The following SLC2A7 variants were observed in gnomAD, a reference collection of about 807,000 sequenced individuals.
SLC2A7 encodes solute carrier family 2, facilitated glucose transporter member 7.
In SLC2A7, 50 loss-of-function variants were observed where a neutral mutation model predicts 50.5. The observed-to-expected ratio is 0.99, with a 90% CI of 0.79 to 1.25. The LOEUF is 1.25. Ranked by LOEUF, SLC2A7 falls within the 50% of genes most tolerant of loss-of-function variation. SLC2A7 has a pLI of 0.00. For synonymous variants in SLC2A7, 308 were observed against 300.4 expected (o/e 1.03, Z -0.26); for missense variants, 683 against 679.1 (o/e 1.01, Z -0.06).
chr1:9,024,854 AG>A (rs1317709319), intron 2 of SLC2A7, 121 bp downstream of exon 2: 3 of 1,093,418 alleles, frequency 2.7e-6, no homozygotes, highest in Non-Finnish European at 4.0e-6. Flanking sequence ...CTGCTCCCAA[AG>A]GCAAGATGGT....
chr1:9,014,962 C>T, intron 6 of SLC2A7, 94 bp from the exon 7 acceptor site: 1 of 1,505,360 alleles, frequency 6.6e-7, no homozygotes, highest in South Asian at 1.3e-5. Flanking sequence ...ATTCCCTGAC[C>T]TGACCTTGGT....
chr1:9,010,297 C>A, intron 8 of SLC2A7, 53 bp from the exon 9 acceptor site: 2 of 1,461,236 alleles, frequency 1.4e-6, no homozygotes, highest in Non-Finnish European at 1.9e-6. Flanking sequence ...GCCCACGGTT[C>A]TTGGGCCGAG....
In SLC2A7 at chr1:9,015,092, G is replaced by A. The variant is rs556506517; in HGVS notation, c.715+25C>T. 46 of 1,611,770 alleles carry A rather than the reference G, an allele frequency of 2.9e-5. 1 individual carries two copies. The South Asian group carries it at 4.5e-4, about 16-fold the overall frequency. On this transcript the variant is annotated intron_variant, in intron 6 of 11. Transcript: ENST00000400906. Reference sequence around the variant, plus strand: ...CTGGCCCCCGGGGTGGGCAGGGCCTGGGAGAGTAGCCGGCGACTTCATACC... The same window carrying A: ...CTGGCCCCCGGGGTGGGCAGGGCCTAGGAGAGTAGCCGGCGACTTCATACC...
chr1:9,025,199 C>T (rs1640979130), intron 1 of SLC2A7, 125 bp from the exon 2 acceptor site: 2 of 976,812 alleles, frequency 2.0e-6, no homozygotes, highest in African/African-American at 3.2e-5. Flanking sequence ...GGCCGTGCCC[C>T]CGGAAAAGAG....
Position 9,006,437 on chromosome 1 carries a change from G to A in SLC2A7, c.1192+873C>T, listed in dbSNP as rs554415714. ...TAATTTTTGCATTTTTAGTAGAAAC[G>A]GAGTTTCACCTTGTTGGCTAGGCTG... On this transcript the variant is annotated intron_variant, in intron 10 of 11. Transcript: ENST00000400906. 1.4e-4 allele frequency among the ~76,000 whole-genome samples: 22 copies of A among 152,202 alleles called. 1 individual carries two copies. In the South Asian group the frequency reaches 2.9e-3, roughly 20 times the overall value.
At chr1:8,992,891 G>A in the SLC2A7 span, among the ~76,000 whole-genome samples, 2 of 152,180 alleles carry the variant, frequency 1.3e-5, no homozygotes, top group Non-Finnish European at 2.9e-5. Context: ...CTGGCATAGA[G>A]ATGCCCTCCC....
intron 3 of SLC2A7, 45 bp from the exon 4 acceptor site, chr1:9,019,378 C>T (rs750609448): frequency 5.4e-5 from 86 of 1,605,950 alleles, no homozygotes; most frequent in South Asian, 2.4e-4. Flanking sequence ...GTGGAGGCCG[C>T]GGAAGCCCTC....
rs61744616 is a variant in SLC2A7 at position 9,023,049 on chromosome 1, G to A, written c.180C>T (p.Tyr60=). 501 of 1,614,012 alleles carry A rather than the reference G, an allele frequency of 3.1e-4. 1 individual carries two copies. The African/African-American group carries it at 5.4e-3, about 18-fold the overall frequency. Residue 60 remains tyrosine (Y), a synonymous_variant, in exon 3 of 12, where the codon TAC becomes TAT. Coordinates refer to ENST00000400906, the MANE Select transcript of SLC2A7 (RefSeq NM_207420.3). The part of the protein sequence containing the change: ...KVFKSFYNET[Y]FERHATFMDG... Reference sequence around the variant, plus strand: ...CCATGAATGTTGCGTGTCGCTCAAAGTAGGTTTCGTTGTAAAATGACTTGA... The same window carrying A: ...CCATGAATGTTGCGTGTCGCTCAAAATAGGTTTCGTTGTAAAATGACTTGA...
chr1:8,996,495 T>A, the SLC2A7 span, among the ~76,000 whole-genome samples: 2 of 152,254 alleles, frequency 1.3e-5, no homozygotes, highest in Non-Finnish European at 2.9e-5. Flanking sequence ...TTTGTGTGCA[T>A]GTCTTTGTTT....
At chr1:9,018,503 G>A in intron 4 of SLC2A7, 128 bp from the exon 5 acceptor site, 2 of 1,320,572 alleles carry the variant, frequency 1.5e-6, no homozygotes, top group Non-Finnish European at 2.1e-6. Flanking sequence ...ATGGAGCTCG[G>A]CCAACCTCGA....
intron 8 of SLC2A7, among the ~76,000 whole-genome samples, chr1:9,011,246 G>A (rs753527364): frequency 2.6e-5 from 4 of 152,250 alleles, no homozygotes; most frequent in Non-Finnish European, 5.9e-5. Flanking sequence ...CCGGAATGGC[G>A]TGGACCGCAC....
chr1:8,999,976 T>A (rs1436909254), downstream of SLC2A7, among the ~76,000 whole-genome samples: 2 of 152,294 alleles, frequency 1.3e-5, no homozygotes, highest in African/African-American at 2.4e-5. Flanking sequence ...GTGAAATGCT[T>A]CGTACTTACC....
chr1:9,009,196 G>A (rs113114238), intron 9 of SLC2A7, among the ~76,000 whole-genome samples: 30 of 152,334 alleles, frequency 2.0e-4, no homozygotes, highest in African/African-American at 6.3e-4. Flanking sequence ...GTGCAATTGC[G>A]TTGCTGATAT....
rs1210995159 is a variant in SLC2A7 at position 9,010,256 on chromosome 1, G to A, written c.1015-12C>T. On this transcript the variant is annotated splice_polypyrimidine_tract_variant and intron_variant, in intron 8 of 11. Transcript: ENST00000400906. ...TCCACAAGGACAGCCTGGAGGGGAA[G>A]GGGGACAGTGAGAAGCCGCCTTGGC... The A allele has an allele frequency of 1.9e-6, 3 of 1,549,568 alleles. No individual in the cohort carries two copies. Among genetic ancestry groups the A allele is most frequent in the Non-Finnish European group, 2.6e-6 (3 of 1,146,184 alleles).
intron 5 of SLC2A7, among the ~76,000 whole-genome samples, chr1:9,018,010 C>A (rs1294046880): frequency 6.6e-6 from 1 of 152,126 alleles, no homozygotes; most frequent in Non-Finnish European, 1.5e-5. Context: ...CCCCTACCTG[C>A]CTCAGAGCCC....
downstream of SLC2A7, among the ~76,000 whole-genome samples, chr1:8,999,042 A>T (rs941278679): frequency 1.4e-4 from 22 of 152,154 alleles, no homozygotes; most frequent in African/African-American, 5.3e-4. Context: ...TGTTTGGTAG[A>T]ATTTACCAGT....
At chr1:9,001,457 T>TGTCACCCA (rs1184528616), downstream of SLC2A7, among the ~76,000 whole-genome samples, 33 of 149,180 alleles carry the variant, frequency 2.2e-4, no homozygotes, top group African/African-American at 8.2e-4. Flanking sequence ...GGTCTCACTC[T>TGTCACCCA]GTCACCCAGG....
intron 2 of SLC2A7, 86 bp from the exon 3 acceptor site, chr1:9,023,164 G>T (rs1640940146): frequency 7.0e-7 from 1 of 1,425,390 alleles, no homozygotes; most frequent in Non-Finnish European, 9.6e-7. Flanking sequence ...ACTTGTCATT[G>T]TACAGAGAGG....
At chr1:9,004,550 AG>A (rs111448504) in intron 11 of SLC2A7, among the ~76,000 whole-genome samples, 31,824 of 152,060 alleles carry the variant, frequency 0.21, 3,759 homozygotes, top group Non-Finnish European at 0.27. Flanking sequence ...CAATGTCAGC[AG>A]GGGATCACCC....
Sources: allele counts gnomAD v4.1 joint callset (sites outside exome capture counted in the v4.1 genomes callset), GRCh38; gene constraint gnomAD v4.1.1; transcripts MANE v1.5; gene names NCBI Gene and HGNC (gene_info 2026-07-23, HGNC 2026-07-21).